The following FRMPD4 variants were observed in gnomAD, a reference collection of about 807,000 sequenced individuals.
FRMPD4 encodes FERM and PDZ domain containing 4, also known as FERM and PDZ domain-containing protein 4.
A neutral mutation model predicts 94.1 loss-of-function variants in FRMPD4; 22 were observed. That is an observed-to-expected ratio of 0.23 (90% CI 0.17 to 0.33). The LOEUF (loss-of-function observed/expected upper bound fraction) is 0.33, where lower values mean the gene tolerates loss of function less well. Ranked by LOEUF, FRMPD4 falls within the 10% of genes least tolerant of loss-of-function variation. FRMPD4 has a pLI of 1.00. For missense variants in FRMPD4, 1,111 were observed against 1,339.9 expected (o/e 0.83, Z 2.67); for synonymous variants, 631 against 548.6 (o/e 1.15, Z -2.10).
intron 5 of FRMPD4, among the ~76,000 whole-genome samples, chrX:12,677,383 G>A (rs2059909809): frequency 9.1e-6 from 1 of 109,858 alleles, no homozygotes. Context: ...ATGGATATCA[G>A]ACATGGAGAG....
At chrX:12,398,205 A>G (rs2056568222) in intron 1 of FRMPD4, among the ~76,000 whole-genome samples, 1 of 112,503 alleles carries the variant, frequency 8.9e-6, no homozygotes, top group East Asian at 2.8e-4. Context: ...GCCATGGTTT[A>G]GTAACAAAGA....
chrX:12,067,332 G>A (rs6640878), intron 3 of FRMPD4, among the ~76,000 whole-genome samples: 7,784 of 111,449 alleles, frequency 0.07, 267 homozygotes, highest in East Asian at 0.23. Context: ...CCTATGGCCA[G>A]CAGGGATGCC....
At chrX:12,509,675 C>G (rs1216481162) in intron 2 of FRMPD4, among the ~76,000 whole-genome samples, 4 of 111,123 alleles carry the variant, frequency 3.6e-5, no homozygotes, top group African/African-American at 1.3e-4. Flanking sequence ...TCTCACAAAT[C>G]ACCACTAAAG....
chrX:12,152,979 TGC>T (rs2055879982), intron 1 of FRMPD4, among the ~76,000 whole-genome samples: 1 of 101,303 alleles, frequency 9.9e-6, no homozygotes, highest in Non-Finnish European at 2.0e-5. Context: ...CAGGCCGGAC[TGC>T]GGACTGCAGT....
intron 2 of FRMPD4, among the ~76,000 whole-genome samples, chrX:12,542,681 C>A (rs1356226992): frequency 9.0e-6 from 1 of 111,725 alleles, no homozygotes. Context: ...TTCATAGACT[C>A]AATGCCATCC....
chrX:12,604,322 T>C (rs1290411694), intron 2 of FRMPD4, among the ~76,000 whole-genome samples: 2 of 111,698 alleles, frequency 1.8e-5, no homozygotes, highest in African/African-American at 6.5e-5. Context: ...TCTAGAAACA[T>C]GGTTGAGAAA....
intron 3 of FRMPD4, among the ~76,000 whole-genome samples, chrX:12,039,223 AT>A (rs200355334): frequency 0.07 from 7,311 of 104,663 alleles, 263 homozygotes; most frequent in East Asian, 0.23. Context: ...ATTTATTTTT[AT>A]TTTTTTTTTG....
intron 1 of FRMPD4, among the ~76,000 whole-genome samples, chrX:12,240,302 G>A (rs1438301623): frequency 3.6e-5 from 4 of 111,998 alleles, no homozygotes; most frequent in Non-Finnish European, 7.5e-5. Flanking sequence ...ACTCTCAGGC[G>A]GTTTTAAGGG....
At chrX:11,935,072 A>ATT (rs753999126) in intron 3 of FRMPD4, among the ~76,000 whole-genome samples, 12,367 of 40,029 alleles carry the variant, frequency 0.31, 3,331 homozygotes, top group Non-Finnish European at 0.36. Context: ...ACTATTGGTG[A>ATT]TTTTTTTTTT....
chrX:11,856,505 C>T (rs140365063), intron 1 of FRMPD4, among the ~76,000 whole-genome samples: 2,050 of 109,420 alleles, frequency 0.019, 23 homozygotes, highest in Non-Finnish European at 0.03. Flanking sequence ...AATTCAACAT[C>T]CATTAATGTT....
intron 3 of FRMPD4, among the ~76,000 whole-genome samples, chrX:12,114,769 TAA>T (rs1238067353): frequency 4.4e-5 from 5 of 112,676 alleles, no homozygotes; most frequent in African/African-American, 1.3e-4. Flanking sequence ...GTCTTTAAAA[TAA>T]ACATATAAAT....
intron 1 of FRMPD4, among the ~76,000 whole-genome samples, chrX:12,139,743 T>C (rs1041903325): frequency 2.7e-5 from 3 of 111,888 alleles, no homozygotes; most frequent in Non-Finnish European, 5.6e-5. Flanking sequence ...CCAGGTCTTC[T>C]GCCCTGCTTA....
intron 3 of FRMPD4, among the ~76,000 whole-genome samples, chrX:11,941,834 CA>C (rs2054161636): frequency 8.9e-6 from 1 of 111,943 alleles, no homozygotes; most frequent in African/African-American, 3.3e-5. Flanking sequence ...GTGCTTAAAA[CA>C]TGAGGTCTCC....
intron 4 of FRMPD4, among the ~76,000 whole-genome samples, chrX:12,657,179 C>A (rs1360058229): frequency 9.0e-6 from 1 of 111,718 alleles, no homozygotes; most frequent in African/African-American, 3.3e-5. Context: ...CTGTGTACAG[C>A]TTAGCTGGGT....
At chrX:12,281,879 G>T (rs1054771232) in intron 1 of FRMPD4, among the ~76,000 whole-genome samples, 3 of 110,770 alleles carry the variant, frequency 2.7e-5, no homozygotes, top group African/African-American at 9.9e-5. Flanking sequence ...ACATTCCTAG[G>T]GTCACAGAGT....
chrX:12,415,122 C>A (rs1422238940), intron 1 of FRMPD4, among the ~76,000 whole-genome samples: 3 of 110,474 alleles, frequency 2.7e-5, no homozygotes, highest in Non-Finnish European at 5.7e-5. Context: ...TCCATGTAAG[C>A]CATTCTAGAT....
At chrX:12,552,663 T>G (rs1394655956) in intron 2 of FRMPD4, among the ~76,000 whole-genome samples, 1 of 111,985 alleles carries the variant, frequency 8.9e-6, no homozygotes, top group Non-Finnish European at 1.9e-5. Context: ...TCTAAAAATG[T>G]GCTTCTTAAA....
chrX:11,986,043 C>A (rs1229715007), intron 3 of FRMPD4, among the ~76,000 whole-genome samples: 1 of 112,464 alleles, frequency 8.9e-6, no homozygotes, highest in Non-Finnish European at 1.9e-5. Context: ...GGGCCTTGAG[C>A]AAACATAGGC....
At chrX:12,628,821 C>T (rs1373229703) in intron 4 of FRMPD4, among the ~76,000 whole-genome samples, 3 of 112,316 alleles carry the variant, frequency 2.7e-5, no homozygotes, top group Non-Finnish European at 3.8e-5. Context: ...TGTATTAGTC[C>T]GTCTTCACAC....
Sources: allele counts gnomAD v4.1 joint callset (sites outside exome capture counted in the v4.1 genomes callset), GRCh38; gene constraint gnomAD v4.1.1; transcripts MANE v1.5; gene names NCBI Gene and HGNC (gene_info 2026-07-23, HGNC 2026-07-21).